The following STXBP5L variants were observed in gnomAD, a reference collection of about 807,000 sequenced individuals.
The protein encoded by STXBP5L is syntaxin binding protein 5L.
In STXBP5L, 65 loss-of-function variants were observed where a neutral mutation model predicts 144.5. That is an observed-to-expected ratio of 0.45 (90% CI 0.37 to 0.55). STXBP5L has a LOEUF of 0.55. Among genes scored for constraint, STXBP5L ranks in the 20% least tolerant of loss-of-function variants. The pLI is 0.00. For missense variants in STXBP5L, 1,298 were observed against 1,405.5 expected (o/e 0.92, Z 1.22); for synonymous variants, 505 against 469.6 (o/e 1.08, Z -0.97).
chr3:121,352,485 G>A (rs892251722), intron 20 of STXBP5L, among the ~76,000 whole-genome samples: 1 of 151,996 alleles, frequency 6.6e-6, no homozygotes, highest in African/African-American at 2.4e-5. Context: ...CTCTCTGTTT[G>A]TCTGTTATTG....
intron 7 of STXBP5L, among the ~76,000 whole-genome samples, chr3:121,149,206 T>C (rs1288386858): frequency 6.6e-6 from 1 of 152,112 alleles, no homozygotes; most frequent in African/African-American, 2.4e-5. Flanking sequence ...TCATTAAATA[T>C]ACATCTATAA....
chr3:121,122,780 CT>C (rs2044528118), intron 7 of STXBP5L, among the ~76,000 whole-genome samples: 2 of 151,294 alleles, frequency 1.3e-5, no homozygotes, highest in Admixed American at 6.6e-5. Flanking sequence ...TTGTTAGTTA[CT>C]GTGGAGTAGG....
At chr3:121,168,534 C>T (rs559702438) in intron 9 of STXBP5L, among the ~76,000 whole-genome samples, 6 of 152,046 alleles carry the variant, frequency 3.9e-5, no homozygotes, top group African/African-American at 1.4e-4. Context: ...ACGAGAACTT[C>T]GTGAAGCATA....
chr3:121,148,141 G>A lies in STXBP5L; in HGVS notation c.670-4336G>A, dbSNP rs554200859. Among the ~76,000 whole-genome samples, 38 of 151,854 alleles carry A rather than the reference G, an allele frequency of 2.5e-4. 2 individuals carry two copies. The South Asian group carries it at 6.3e-3, about 25-fold the overall frequency. On this transcript the variant is annotated intron_variant, in intron 7 of 26. Coordinates refer to ENST00000471454, the MANE Select transcript of STXBP5L (RefSeq NM_001308330.2). The stretch of plus-strand genomic sequence containing the variant: ...AAACATCTCTTGGTTCTAATTTTTC[G>A]GAGAACCTTAATTCAAAAGATGAGA...
At chr3:121,186,291 C>T (rs1334057111) in intron 9 of STXBP5L, among the ~76,000 whole-genome samples, 1 of 152,132 alleles carries the variant, frequency 6.6e-6, no homozygotes, top group African/African-American at 2.4e-5. Context: ...ACTTTATTTC[C>T]TTCTCCTGCC....
intron 9 of STXBP5L, among the ~76,000 whole-genome samples, chr3:121,173,987 C>T (rs1001233307): frequency 1.3e-5 from 2 of 152,074 alleles, no homozygotes; most frequent in Admixed American, 6.6e-5. Context: ...TCACCTTTTA[C>T]TGTGATATGC....
rs190514301 is a variant in STXBP5L, at chr3:120,987,632, T to C, written c.287+32595T>C. Among the ~76,000 whole-genome samples, 193 of 152,010 alleles carry C rather than the reference T, an allele frequency of 1.3e-3. 1 individual carries two copies. The highest frequency in any genetic ancestry group is 4.3e-3 in the African/African-American group (180 of 41,560). On this transcript the variant is annotated intron_variant, in intron 3 of 26. Coordinates refer to ENST00000471454, the MANE Select transcript of STXBP5L (RefSeq NM_001308330.2). The stretch of plus-strand genomic sequence containing the variant: ...GACGGCTTATCAGTTTTTTAAAAAA[T>C]AGATTGTGCTCGTGGTTTCACCTCT...
intron 3 of STXBP5L, among the ~76,000 whole-genome samples, chr3:120,978,356 A>G (rs1365159899): frequency 2.6e-5 from 4 of 152,142 alleles, no homozygotes; most frequent in African/African-American, 7.2e-5. Flanking sequence ...AGGCTTCTGC[A>G]TTCTTCACGT....
At chr3:121,354,627 T>G (rs2045434144) in intron 20 of STXBP5L, among the ~76,000 whole-genome samples, 2 of 151,198 alleles carry the variant, frequency 1.3e-5, no homozygotes, top group African/African-American at 4.8e-5. Flanking sequence ...AGCACACTGA[T>G]GGGTCTTGAC....
chr3:120,998,053 CAACA>C (rs1943489383), intron 3 of STXBP5L, among the ~76,000 whole-genome samples: 4 of 152,168 alleles, frequency 2.6e-5, no homozygotes, highest in South Asian at 2.1e-4. Context: ...TAAAAACCCT[CAACA>C]AACAAAGCAT....
chr3:120,989,646 G>C (rs633969), intron 3 of STXBP5L, among the ~76,000 whole-genome samples: 150,043 of 152,268 alleles, frequency 0.99, 73,934 homozygotes, highest in East Asian at 1. Context: ...TTATGTTTCT[G>C]CATTTCTCTT....
rs2047355482 is a variant in STXBP5L, at chr3:121,421,656, A to C, written c.*2559A>C. 1 of 152,252 alleles carries C rather than the reference A, an allele frequency of 6.6e-6. No individual in the cohort carries two copies. The highest frequency in any genetic ancestry group is 2.4e-5 in the African/African-American group (1 of 41,480). The allele number at this position is 152,252 out of a possible 1,614,324, so 9.4% of individuals were successfully genotyped here. A position where few individuals can be genotyped will look rare whatever the true frequency, so the allele number is the denominator to read the frequency against. Reference sequence around the variant, plus strand: ...TTACATGTGTGGTTCATATGCAATAAGATACAATTTTGAAGAAAGCTTATA... The same window carrying C: ...TTACATGTGTGGTTCATATGCAATACGATACAATTTTGAAGAAAGCTTATA... On this transcript the variant is annotated 3_prime_UTR_variant, in exon 27 of 27. Coordinates refer to ENST00000471454, the MANE Select transcript of STXBP5L (RefSeq NM_001308330.2).
At chr3:121,189,360 AC>A in intron 9 of STXBP5L, among the ~76,000 whole-genome samples, 1 of 152,340 alleles carries the variant, frequency 6.6e-6, no homozygotes, top group African/African-American at 2.4e-5. Context: ...TTTAGGTCTA[AC>A]ATTTAAGTCT....
intron 5 of STXBP5L, among the ~76,000 whole-genome samples, chr3:121,071,278 T>C (rs2041801310): frequency 6.6e-6 from 1 of 152,184 alleles, no homozygotes; most frequent in South Asian, 2.1e-4. Flanking sequence ...ATAACTATGT[T>C]TGTACATTTA....
chr3:121,408,325 T>C (rs1206685998), intron 23 of STXBP5L, among the ~76,000 whole-genome samples: 2 of 151,978 alleles, frequency 1.3e-5, no homozygotes, highest in Admixed American at 1.3e-4. Context: ...CACTGTCATT[T>C]TTTTAATATC....
chr3:120,995,322 A>AT (rs1355026130), intron 3 of STXBP5L, among the ~76,000 whole-genome samples: 4 of 151,630 alleles, frequency 2.6e-5, no homozygotes, highest in Non-Finnish European at 4.4e-5. Context: ...TAATTTTTTT[A>AT]TTTTTTGTAG....
intron 20 of STXBP5L, among the ~76,000 whole-genome samples, chr3:121,319,093 TA>T (rs200088147): frequency 5.9e-5 from 9 of 151,552 alleles, no homozygotes; most frequent in Non-Finnish European, 1.2e-4. Flanking sequence ...TACTGTCTGT[TA>T]AAAAAAAAGT....
At chr3:121,337,925 G>T (rs910217768) in intron 20 of STXBP5L, among the ~76,000 whole-genome samples, 2 of 152,056 alleles carry the variant, frequency 1.3e-5, no homozygotes, top group Non-Finnish European at 2.9e-5. Flanking sequence ...CTATACAAAT[G>T]CTTAAAAATT....
intron 3 of STXBP5L, among the ~76,000 whole-genome samples, chr3:120,964,114 TG>T (rs1939242897): frequency 6.6e-6 from 1 of 152,218 alleles, no homozygotes; most frequent in Non-Finnish European, 1.5e-5. Context: ...GGATCGGTGG[TG>T]ATATTCTTTT....
Sources: allele counts gnomAD v4.1 joint callset (sites outside exome capture counted in the v4.1 genomes callset), GRCh38; gene constraint gnomAD v4.1.1; transcripts MANE v1.5; gene names NCBI Gene and HGNC (gene_info 2026-07-23, HGNC 2026-07-21).